Variants in SMAD1 observed in about 807,000 individuals in gnomAD.
The protein encoded by SMAD1 is SMAD family member 1, also known as MAD, mothers against decapentaplegic homolog 1.
Under a neutral mutation model 41.6 loss-of-function variants are expected in SMAD1, and 6 were observed. The ratio of observed to expected loss-of-function variants is 0.14; its 90% CI spans 0.08 to 0.28. The LOEUF (loss-of-function observed/expected upper bound fraction) is 0.28. Ranked by LOEUF, SMAD1 falls within the 10% of genes least tolerant of loss-of-function variation. The pLI, the probability that SMAD1 is intolerant of heterozygous loss-of-function variation, is 1.00. For missense variants in SMAD1, 379 were observed against 582.6 expected, an observed-to-expected ratio of 0.65 and a Z score of 3.60; for synonymous variants, 206 against 203.2, an observed-to-expected ratio of 1.01 and a Z score of -0.12.
rs146355324 is a variant in SMAD1 at position 145,547,156 on chromosome 4, T to A, written c.997+232T>A. ...GAAATTAATTAGTTGAAATTATGAT[T>A]TGCCATTTTAAGACACTATTCTGTA... is the stretch of plus-strand genomic sequence containing the variant. On this transcript the variant is annotated intron_variant, in intron 5 of 6. Transcript: ENST00000302085. 3.5e-3 allele frequency among the ~76,000 whole-genome samples: 532 copies of A among 152,342 alleles called. 2 individuals are homozygous for A. The highest frequency in any genetic ancestry group is 0.012 in the African/African-American group (487 of 41,586).
At chr4:145,541,286 A>C (rs1731916971) in intron 3 of SMAD1, among the ~76,000 whole-genome samples, 1 of 152,252 alleles carries the variant, frequency 6.6e-6, no homozygotes, top group South Asian at 2.1e-4. Context: ...AGTAATGGAA[A>C]TATGGAAAAC....
intron 1 of SMAD1, among the ~76,000 whole-genome samples, chr4:145,500,684 T>G (rs1444293179): frequency 6.6e-6 from 1 of 152,184 alleles, no homozygotes; most frequent in South Asian, 2.1e-4. Flanking sequence ...GATAGCTGTT[T>G]GTTGAGTGAA....
chr4:145,506,326 G>A (rs1729780647), intron 1 of SMAD1, among the ~76,000 whole-genome samples: 2 of 152,128 alleles, frequency 1.3e-5, no homozygotes, highest in South Asian at 4.2e-4. Context: ...ACAAGAAGTA[G>A]GGGGAGAAAA....
At chr4:145,481,299 G>A (rs1161790002), upstream of SMAD1, 2 of 152,162 alleles carry the variant, frequency 1.3e-5, no homozygotes, top group African/African-American at 4.8e-5. Context: ...GTATTTACTA[G>A]GCTATCCAAT....
chr4:145,553,746 TTAATAA>T, intron 5 of SMAD1, 32 bp from the exon 6 acceptor site: 1 of 1,590,972 alleles, frequency 6.3e-7, no homozygotes. Flanking sequence ...GCTGTAAAAA[TTAATAA>T]TAACTAAATG....
At chr4:145,536,443 C>G (rs375018109) in intron 2 of SMAD1, among the ~76,000 whole-genome samples, 4 of 152,092 alleles carry the variant, frequency 2.6e-5, no homozygotes, top group African/African-American at 9.7e-5. Context: ...TACAAAGGCA[C>G]AGGGACTAGC....
In SMAD1 at chr4:145,558,606, G is replaced by A. The variant is rs543608296; in HGVS notation, c.*672G>A. ...TTTAGGAGTATTTGAGGTGGGTGGG[G>A]GGAAGAGGGAAATGACAACTGCAAA... On this transcript the variant is annotated 3_prime_UTR_variant, in exon 7 of 7. Transcript: ENST00000302085. Among the ~76,000 whole-genome samples, 281 of 152,178 alleles carry A rather than the reference G, an allele frequency of 1.8e-3. 1 individual carries two copies. The highest frequency in any genetic ancestry group is 6.5e-3 in the African/African-American group (271 of 41,510).
intron 1 of SMAD1, among the ~76,000 whole-genome samples, chr4:145,490,315 C>G (rs1384669679): frequency 6.6e-6 from 1 of 152,168 alleles, no homozygotes; most frequent in Non-Finnish European, 1.5e-5. Flanking sequence ...TGTGGCAGAG[C>G]TCCTGTGCAC....
At chr4:145,504,409 T>C (rs1307119360) in intron 1 of SMAD1, among the ~76,000 whole-genome samples, 1 of 152,248 alleles carries the variant, frequency 6.6e-6, no homozygotes, top group African/African-American at 2.4e-5. Flanking sequence ...AACTTGTCTT[T>C]TGCCTGTCTG....
intron 2 of SMAD1, among the ~76,000 whole-genome samples, chr4:145,526,612 A>G (rs1376243822): frequency 6.6e-6 from 1 of 151,334 alleles, no homozygotes; most frequent in African/African-American, 2.4e-5. Flanking sequence ...TGATCAACGG[A>G]ATAATTAAGG....
chr4:145,528,136 C>T (rs1442870625), intron 2 of SMAD1, among the ~76,000 whole-genome samples: 1 of 151,272 alleles, frequency 6.6e-6, no homozygotes, highest in East Asian at 1.9e-4. Flanking sequence ...TTGAGTCTCA[C>T]TCTGTCACCA....
At position 145,558,732 on chromosome 4, in the gene SMAD1, TTC is replaced by T. The variant is rs199698961; in HGVS notation, c.*805_*806del. Among the ~76,000 whole-genome samples the T allele has an allele frequency of 4.0e-5, 4 of 99,730 alleles. No individual in the cohort carries two copies. The highest frequency in any genetic ancestry group is 2.3e-5 in the Non-Finnish European group (1 of 44,004). 65.4% of individuals were successfully genotyped at this position (99,730 alleles called of 152,430 possible). A position where few individuals can be genotyped will look rare whatever the true frequency, so the allele number is the denominator to read the frequency against. On this transcript the variant is annotated 3_prime_UTR_variant, in exon 7 of 7. Coordinates refer to ENST00000302085, the MANE Select transcript of SMAD1 (RefSeq NM_005900.3). ...TTTTTTAGAGATTTTTATCATTTTT[TTC>T]TCTCTCGGCATTCTTTTTTCTCATA...
At chr4:145,486,807 C>G (rs953245972) in intron 1 of SMAD1, among the ~76,000 whole-genome samples, 1 of 152,192 alleles carries the variant, frequency 6.6e-6, no homozygotes, top group African/African-American at 2.4e-5. Flanking sequence ...AGGTAACTGA[C>G]ATCCAAAGTT....
intron 1 of SMAD1, among the ~76,000 whole-genome samples, chr4:145,501,839 A>C (rs900476694): frequency 4.6e-5 from 7 of 152,084 alleles, no homozygotes; most frequent in Non-Finnish European, 1.0e-4. Flanking sequence ...TCTGAGCCTC[A>C]AGTTTATTAC....
At chr4:145,492,763 T>C (rs73852327) in intron 1 of SMAD1, among the ~76,000 whole-genome samples, 1 of 152,114 alleles carries the variant, frequency 6.6e-6, no homozygotes, top group Non-Finnish European at 1.5e-5. Flanking sequence ...AGTCAATCAT[T>C]AGCATACAAA....
At chr4:145,485,131 C>T (rs750174905) in intron 1 of SMAD1, among the ~76,000 whole-genome samples, 1 of 152,106 alleles carries the variant, frequency 6.6e-6, no homozygotes, top group Non-Finnish European at 1.5e-5. Flanking sequence ...TGCAGTGGCA[C>T]GATCATGGCT....
At chr4:145,552,538 C>T (rs1732608051) in intron 5 of SMAD1, among the ~76,000 whole-genome samples, 1 of 152,134 alleles carries the variant, frequency 6.6e-6, no homozygotes, top group Admixed American at 6.5e-5. Context: ...ACACTTTAAG[C>T]ACTCTGGGTC....
chr4:145,523,545 A>G (rs971800671), intron 2 of SMAD1, among the ~76,000 whole-genome samples: 9 of 152,238 alleles, frequency 5.9e-5, no homozygotes, highest in Non-Finnish European at 1.0e-4. Flanking sequence ...AGGAGTTACT[A>G]TAATACAAAT....
intron 1 of SMAD1, among the ~76,000 whole-genome samples, chr4:145,509,138 GTAT>G (rs991692528): frequency 2.5e-4 from 38 of 152,174 alleles, no homozygotes; most frequent in African/African-American, 8.0e-4. Flanking sequence ...TGGTATAATC[GTAT>G]TATTTCTTCT....
Sources: gnomAD v4.1 joint callset for allele counts (sites outside exome capture counted in the v4.1 genomes callset) on GRCh38, gnomAD v4.1.1 for gene constraint, MANE v1.5 for transcripts, NCBI Gene and HGNC (gene_info 2026-07-23, HGNC 2026-07-21) for gene names.